Variants in RDX observed in about 807,000 individuals in gnomAD.
The protein encoded by RDX is radixin, also known as deafness, autosomal recessive 24.
In RDX, 32 loss-of-function variants were observed where a neutral mutation model predicts 83.7. That is an observed-to-expected ratio of 0.38 (90% CI 0.29 to 0.51). The LOEUF (loss-of-function observed/expected upper bound fraction) is 0.51. Among genes scored for constraint, RDX ranks in the 20% least tolerant of loss-of-function variants. The pLI, the probability that RDX is intolerant of heterozygous loss-of-function variation, is 0.87. For missense variants in RDX, 600 were observed against 689.9 expected (o/e 0.87, Z 1.46); for synonymous variants, 229 against 222.7 (o/e 1.03, Z -0.25).
intron 5 of RDX, among the ~76,000 whole-genome samples, chr11:110,260,464 T>C (rs1039554205): frequency 2.6e-5 from 4 of 151,750 alleles, no homozygotes; most frequent in South Asian, 2.1e-4. Flanking sequence ...TTTTCTGAGA[T>C]GGAGTCTCGC....
At chr11:110,224,617 A>G (rs1382104595), downstream of RDX, among the ~76,000 whole-genome samples, 4 of 152,246 alleles carry the variant, frequency 2.6e-5, no homozygotes, top group Non-Finnish European at 4.4e-5. Context: ...TTGTGCCACT[A>G]AAGAACCCAT....
At chr11:110,178,128 C>G (rs1274410666) in intron 15 of RDX, among the ~76,000 whole-genome samples, 1 of 152,166 alleles carries the variant, frequency 6.6e-6, no homozygotes, top group Non-Finnish European at 1.5e-5. Context: ...GTACTGCAGG[C>G]TCCTCTGCCA....
rs141807360 is a variant in RDX at position 110,261,373 on chromosome 11, C to T, written c.467+2587G>A. 4.2e-3 allele frequency among the ~76,000 whole-genome samples: 634 copies of T among 152,232 alleles called. 3 individuals are homozygous for T. The highest frequency in any genetic ancestry group is 5.3e-3 in the Non-Finnish European group (362 of 67,998). ...AGGGAAGCAATACTATCTGGTGGAG[C>T]TAATTATCTATACCACAAGAGCTAA... is the stretch of plus-strand genomic sequence containing the variant. On this transcript the variant is annotated intron_variant, in intron 5 of 13. Coordinates refer to ENST00000645495, the MANE Select transcript of RDX (RefSeq NM_002906.4).
intron 14 of RDX, among the ~76,000 whole-genome samples, chr11:110,210,941 C>CA (rs1863811906): frequency 6.6e-6 from 1 of 151,360 alleles, no homozygotes; most frequent in Non-Finnish European, 1.5e-5. Context: ...AACTAACGAG[C>CA]AAAATAACCA....
intron 14 of RDX, among the ~76,000 whole-genome samples, chr11:110,222,515 G>T (rs1864283544): frequency 6.6e-6 from 1 of 152,166 alleles, no homozygotes; most frequent in Non-Finnish European, 1.5e-5. Context: ...TTACTAAATG[G>T]ACCGGGCATG....
intron 14 of RDX, among the ~76,000 whole-genome samples, chr11:110,204,507 T>C (rs1442150613): frequency 1.5e-4 from 21 of 143,568 alleles, no homozygotes; most frequent in Admixed American, 1.4e-4. Flanking sequence ...TTTCTTTTTT[T>C]TTTTTCCTTT....
intron 10 of RDX, among the ~76,000 whole-genome samples, chr11:110,239,464 TAA>T (rs1318187099): frequency 1.3e-5 from 2 of 152,022 alleles, no homozygotes; most frequent in South Asian, 2.1e-4. Context: ...CCAGAATATA[TAA>T]AGAGCTCAAA....
intron 1 of RDX, among the ~76,000 whole-genome samples, chr11:110,292,071 T>C (rs549854868): frequency 6.6e-6 from 1 of 152,200 alleles, no homozygotes; most frequent in Admixed American, 6.5e-5. Flanking sequence ...GGCGGGCAGA[T>C]CACTTGAGGT....
intron 8 of RDX, among the ~76,000 whole-genome samples, chr11:110,254,837 A>G (rs1221476465): frequency 6.6e-6 from 1 of 152,140 alleles, no homozygotes; most frequent in East Asian, 1.9e-4. Context: ...AGTATACTTG[A>G]CATTAGAGGA....
chr11:110,292,591 C>G (rs1351274089), intron 1 of RDX, among the ~76,000 whole-genome samples: 7 of 151,874 alleles, frequency 4.6e-5, no homozygotes, highest in Non-Finnish European at 7.4e-5. Flanking sequence ...CTGAAGAGCG[C>G]TCACTTCACA....
intron 15 of RDX, among the ~76,000 whole-genome samples, chr11:110,198,617 C>T (rs1407238214): frequency 6.6e-6 from 1 of 152,154 alleles, no homozygotes; most frequent in East Asian, 1.9e-4. Flanking sequence ...ACGTTGCACG[C>T]TCCTTTATGG....
chr11:110,272,733 T>C, intron 2 of RDX, 114 bp from the exon 3 acceptor site: 1 of 755,950 alleles, frequency 1.3e-6, no homozygotes, highest in East Asian at 2.7e-5. Flanking sequence ...CAAGAAATCT[T>C]AAATCTATTT....
At chr11:110,194,952 G>C (rs996412493) in intron 15 of RDX, among the ~76,000 whole-genome samples, 3 of 151,632 alleles carry the variant, frequency 2.0e-5, no homozygotes, top group Non-Finnish European at 4.4e-5. Context: ...CTTGAAGGCT[G>C]TAAGAGTGAC....
intron 1 of RDX, among the ~76,000 whole-genome samples, chr11:110,290,424 ATCACT>A (rs564370256): frequency 4.3e-4 from 66 of 152,052 alleles, no homozygotes; most frequent in African/African-American, 1.5e-3. Context: ...AGGTGGAGGG[ATCACT>A]TCAGCCTGGG....
In RDX at chr11:110,272,523, T is replaced by C. The variant is rs754264640; in HGVS notation, c.96+13A>G. ...ATGGTGTCAAAAGTTGCATATTTCATGCAGTGTAATACCTGGTCAAAAAGT... is the reference window on the plus strand; with the variant it reads ...ATGGTGTCAAAAGTTGCATATTTCACGCAGTGTAATACCTGGTCAAAAAGT... On this transcript the variant is annotated intron_variant, in intron 3 of 13. Transcript: ENST00000645495. 13 of 1,568,376 alleles carry C rather than the reference T, an allele frequency of 8.3e-6. No homozygotes were observed. The highest frequency in any genetic ancestry group is 3.3e-5 in the South Asian group (3 of 89,576).
chr11:110,245,081 C>T (rs558058427), intron 10 of RDX, among the ~76,000 whole-genome samples: 17 of 151,534 alleles, frequency 1.1e-4, no homozygotes, highest in African/African-American at 3.6e-4. Context: ...TCTCCTGCCT[C>T]GGCCTCCCTA....
intron 15 of RDX, among the ~76,000 whole-genome samples, chr11:110,194,520 G>A (rs184268851): frequency 2.1e-4 from 32 of 152,182 alleles, no homozygotes; most frequent in African/African-American, 6.5e-4. Flanking sequence ...GCACCCAGCC[G>A]GATATTACAA....
chr11:110,219,083 G>C (rs1864157363), intron 14 of RDX, among the ~76,000 whole-genome samples: 1 of 152,094 alleles, frequency 6.6e-6, no homozygotes, highest in Non-Finnish European at 1.5e-5. Context: ...GCAAGAAATG[G>C]GTACCAGATA....
intron 7 of RDX, among the ~76,000 whole-genome samples, chr11:110,256,233 G>T (rs1037206298): frequency 6.6e-6 from 1 of 152,134 alleles, no homozygotes; most frequent in Non-Finnish European, 1.5e-5. Context: ...AACACAGCAT[G>T]AATTTTTACC....
Sources: gnomAD v4.1 joint callset for allele counts (sites outside exome capture counted in the v4.1 genomes callset) on GRCh38, gnomAD v4.1.1 for gene constraint, MANE v1.5 for transcripts, NCBI Gene and HGNC (gene_info 2026-07-23, HGNC 2026-07-21) for gene names.